The following TNFRSF19 variants were observed in gnomAD, a reference collection of about 807,000 sequenced individuals.
TNFRSF19 encodes the protein tumor necrosis factor receptor superfamily member 19.
A neutral mutation model predicts 46.4 loss-of-function variants in TNFRSF19; 27 were observed. That is an observed-to-expected ratio of 0.58 (90% CI 0.43 to 0.80). The LOEUF (loss-of-function observed/expected upper bound fraction) is 0.80. Among genes scored for constraint, TNFRSF19 ranks in the 30% least tolerant of loss-of-function variants. The pLI is 0.00. For synonymous variants in TNFRSF19, 204 were observed against 205.0 expected (o/e 1.00, Z 0.04); for missense variants, 511 against 530.8 (o/e 0.96, Z 0.37).
intron 4 of TNFRSF19, among the ~76,000 whole-genome samples, chr13:23,625,099 A>T (rs141995975): frequency 6.6e-6 from 1 of 152,106 alleles, no homozygotes; most frequent in Non-Finnish European, 1.5e-5. Context: ...GAGAAAATTG[A>T]TAATAAAAGT....
chr13:23,653,568 C>T (rs1883787063), intron 5 of TNFRSF19, among the ~76,000 whole-genome samples: 2 of 151,944 alleles, frequency 1.3e-5, no homozygotes, highest in Non-Finnish European at 2.9e-5. Context: ...AGCTGAGGTG[C>T]AGTCCTTGCG....
chr13:23,571,752 T>C (rs887725297), intron 1 of TNFRSF19, among the ~76,000 whole-genome samples: 1 of 152,082 alleles, frequency 6.6e-6, no homozygotes, highest in Admixed American at 6.6e-5. Flanking sequence ...TAACTGTTAT[T>C]TTTTTGTCAG....
intron 4 of TNFRSF19, among the ~76,000 whole-genome samples, chr13:23,616,724 A>G (rs1319179067): frequency 6.6e-5 from 10 of 152,136 alleles, no homozygotes; most frequent in Non-Finnish European, 1.5e-4. Flanking sequence ...CTGGGATTAC[A>G]GGCATGCGCC....
chr13:23,653,024 C>T (rs1475389876), intron 5 of TNFRSF19, among the ~76,000 whole-genome samples: 1 of 152,226 alleles, frequency 6.6e-6, no homozygotes, highest in Non-Finnish European at 1.5e-5. Context: ...GTTTCTCTGT[C>T]TCGTATTTAG....
At chr13:23,623,285 C>T (rs1007964421) in intron 4 of TNFRSF19, among the ~76,000 whole-genome samples, 2 of 152,126 alleles carry the variant, frequency 1.3e-5, no homozygotes, top group African/African-American at 4.8e-5. Flanking sequence ...GTGACAGGAA[C>T]CCCTCCTACT....
intron 5 of TNFRSF19, among the ~76,000 whole-genome samples, chr13:23,641,673 T>C (rs1257868159): frequency 6.6e-6 from 1 of 152,216 alleles, no homozygotes; most frequent in East Asian, 1.9e-4. Flanking sequence ...TTCACAATAT[T>C]CCTTAATTAT....
chr13:23,602,458 C>A (rs1880226315), intron 3 of TNFRSF19, among the ~76,000 whole-genome samples: 1 of 152,076 alleles, frequency 6.6e-6, no homozygotes. Flanking sequence ...ACAGATTCAG[C>A]AGGCAGAAAG....
chr13:23,605,005 G>C (rs911385952), intron 3 of TNFRSF19, among the ~76,000 whole-genome samples: 7 of 152,136 alleles, frequency 4.6e-5, no homozygotes, highest in African/African-American at 1.7e-4. Flanking sequence ...CTCTGCATAA[G>C]ACACTGTTGA....
chr13:23,632,616 T>C (rs1882421776), intron 5 of TNFRSF19, among the ~76,000 whole-genome samples: 1 of 152,240 alleles, frequency 6.6e-6, no homozygotes, highest in Admixed American at 6.5e-5. Flanking sequence ...GATTTCATTA[T>C]TTTACTGGAA....
Position 23,659,330 on chromosome 13 carries a change from G to A in TNFRSF19, c.610+116G>A. 8.7e-7 allele frequency: 1 copy of A among 1,149,598 alleles called. No homozygotes were observed. Among genetic ancestry groups the A allele is most frequent in the Non-Finnish European group, 1.2e-6 (1 of 818,802 alleles). 71.2% of individuals were successfully genotyped at this position (1,149,598 alleles called of 1,614,324 possible). A position where few individuals can be genotyped will look rare whatever the true frequency, so the allele number is the denominator to read the frequency against. ...AGACAAGCACCAGTGAGTTGTGAAA[G>A]AACGCAGGGCACAAGAAACACAGGT... On this transcript the variant is annotated intron_variant, in intron 6 of 9. Coordinates refer to ENST00000248484, the MANE Select transcript of TNFRSF19 (RefSeq NM_148957.4). The surrounding 1 kb of genome is among the most constrained non-coding windows in gnomAD (Gnocchi z 4.9).
rs545587331 is a variant in TNFRSF19 at position 23,675,895 on chromosome 13, A to G, written c.*2515A>G. 1 of 152,336 alleles carries G rather than the reference A, an allele frequency of 6.6e-6. No homozygotes were observed. The highest frequency in any genetic ancestry group is 1.9e-4 in the East Asian group (1 of 5,190). The allele number at this position is 152,336 out of a possible 1,614,324, so 9.4% of individuals were successfully genotyped here. On this transcript the variant is annotated 3_prime_UTR_variant, in exon 10 of 10. Coordinates refer to ENST00000248484, the MANE Select transcript of TNFRSF19 (RefSeq NM_148957.4). ...CTTTAGATAATGTGTTAATATTGCT[A>G]TTACCTAGGTTAAGCACTATTGTCT...
intron 1 of TNFRSF19, among the ~76,000 whole-genome samples, chr13:23,574,351 T>A (rs1454596635): frequency 6.6e-6 from 1 of 151,862 alleles, no homozygotes; most frequent in Non-Finnish European, 1.5e-5. Flanking sequence ...GTGATCTACA[T>A]TTTTTTTGTT....
chr13:23,624,047 T>G (rs945655649), intron 4 of TNFRSF19, among the ~76,000 whole-genome samples: 9 of 152,186 alleles, frequency 5.9e-5, no homozygotes, highest in Non-Finnish European at 1.3e-4. Flanking sequence ...ATGAAGCTTT[T>G]CCTCTATATT....
chr13:23,579,111 T>C (rs1291014423), intron 1 of TNFRSF19, among the ~76,000 whole-genome samples: 1 of 152,216 alleles, frequency 6.6e-6, no homozygotes, highest in Non-Finnish European at 1.5e-5. Context: ...AACACAGCCA[T>C]GTTCTTGGTG....
intron 5 of TNFRSF19, among the ~76,000 whole-genome samples, chr13:23,627,564 G>A (rs989084596): frequency 6.6e-6 from 1 of 152,060 alleles, no homozygotes; most frequent in Non-Finnish European, 1.5e-5. Context: ...CCTCTATGTG[G>A]CAGAGCACGC....
chr13:23,639,255 T>C (rs894295320), intron 5 of TNFRSF19, among the ~76,000 whole-genome samples: 19 of 152,120 alleles, frequency 1.2e-4, no homozygotes, highest in Non-Finnish European at 1.2e-4. Flanking sequence ...TAGCTAGACA[T>C]AGTGGTGTGG....
intron 1 of TNFRSF19, among the ~76,000 whole-genome samples, chr13:23,577,190 C>G (rs949957148): frequency 6.6e-6 from 1 of 152,204 alleles, no homozygotes. Flanking sequence ...TGTCAGATGC[C>G]CAAGCCCATT....
chr13:23,581,124 T>C (rs1168942567), intron 1 of TNFRSF19, among the ~76,000 whole-genome samples: 1 of 142,896 alleles, frequency 7.0e-6, no homozygotes, highest in Non-Finnish European at 1.5e-5. Flanking sequence ...CTTTTCTTTT[T>C]TTCTTTTCTT....
intron 5 of TNFRSF19, 68 bp from the exon 6 acceptor site, chr13:23,658,982 C>T: frequency 6.2e-7 from 1 of 1,602,388 alleles, no homozygotes. Flanking sequence ...AGGGTGCCTG[C>T]CAGCTTCGCC....
Sources: allele counts gnomAD v4.1 joint callset (sites outside exome capture counted in the v4.1 genomes callset), GRCh38; gene constraint gnomAD v4.1.1; non-coding constraint Gnocchi (gnomAD v3.1); transcripts MANE v1.5; gene names NCBI Gene and HGNC (gene_info 2026-07-23, HGNC 2026-07-21).